Variants in RTN4IP1 observed in about 807,000 individuals in gnomAD.
The protein encoded by RTN4IP1 is reticulon 4 interacting protein 1.
RTN4IP1 carries 32 observed loss-of-function variants against 46.6 expected under a neutral mutation model. That is an observed-to-expected ratio of 0.69 (90% confidence interval 0.52 to 0.92). RTN4IP1 has a LOEUF of 0.92. Ranked by LOEUF, RTN4IP1 falls within the 40% of genes least tolerant of loss-of-function variation. RTN4IP1 has a pLI of 0.00. For missense variants in RTN4IP1, 424 were observed against 485.8 expected (o/e 0.87, Z 1.20); for synonymous variants, 167 against 161.8 (o/e 1.03, Z -0.24).
At chr6:106,627,785 A>T (rs1184437250) in intron 1 of RTN4IP1, among the ~76,000 whole-genome samples, 3 of 111,472 alleles carry the variant, frequency 2.7e-5, no homozygotes, top group Non-Finnish European at 1.7e-5. Context: ...ATGGAGTCTC[A>T]CTCTATCGGC....
intron 5 of RTN4IP1, among the ~76,000 whole-genome samples, chr6:106,597,784 C>A (rs910880908): frequency 6.6e-6 from 1 of 150,610 alleles, no homozygotes; most frequent in Non-Finnish European, 1.5e-5. Context: ...CATTCTGGTG[C>A]GCTGCACCCA....
chr6:106,574,916 G>A (rs764199521), intron 8 of RTN4IP1, among the ~76,000 whole-genome samples: 6 of 152,190 alleles, frequency 3.9e-5, no homozygotes, highest in Non-Finnish European at 5.9e-5. Context: ...CAAATAACCC[G>A]AGAGGGCTGA....
chr6:106,589,398 C>A lies in RTN4IP1; in HGVS notation c.807-1536G>T, dbSNP rs190712041. Among the ~76,000 whole-genome samples, 511 of 151,168 alleles carry A rather than the reference C, an allele frequency of 3.4e-3. 5 individuals carry two copies. The highest frequency in any genetic ancestry group is 0.012 in the African/African-American group (479 of 41,154). Reference sequence around the variant, plus strand: ...GATATGAAATGCAGGAGCATGATGACCTTAATAGATGACCATTCTTTTCAC... The same window carrying A: ...GATATGAAATGCAGGAGCATGATGAACTTAATAGATGACCATTCTTTTCAC... On this transcript the variant is annotated intron_variant, in intron 6 of 8. Transcript: ENST00000369063.
At chr6:106,579,154 T>C (rs2114623047) in intron 8 of RTN4IP1, among the ~76,000 whole-genome samples, 1 of 151,692 alleles carries the variant, frequency 6.6e-6, no homozygotes, top group South Asian at 2.1e-4. Flanking sequence ...AAGAATCGCT[T>C]GAACCCAGGA....
intron 4 of RTN4IP1, among the ~76,000 whole-genome samples, chr6:106,613,375 G>A: frequency 6.6e-6 from 1 of 152,156 alleles, no homozygotes; most frequent in East Asian, 1.9e-4. Context: ...CCAGCACAGG[G>A]TCATGTGAGT....
intron 8 of RTN4IP1, among the ~76,000 whole-genome samples, chr6:106,580,894 C>A: frequency 6.6e-6 from 1 of 151,090 alleles, no homozygotes. Context: ...TATGGTACAC[C>A]CATACAAATA....
chr6:106,622,550 T>C (rs1186017792), intron 2 of RTN4IP1, among the ~76,000 whole-genome samples: 3 of 152,194 alleles, frequency 2.0e-5, no homozygotes, highest in Admixed American at 2.0e-4. Context: ...GGATGCATGA[T>C]TGCTCTCTAC....
At chr6:106,591,832 T>C (rs894316763) in intron 6 of RTN4IP1, among the ~76,000 whole-genome samples, 2 of 152,168 alleles carry the variant, frequency 1.3e-5, no homozygotes, top group African/African-American at 4.8e-5. Context: ...AACTACTCTA[T>C]ATTCTTCCTG....
At chr6:106,612,555 G>A (rs1776251723) in intron 4 of RTN4IP1, among the ~76,000 whole-genome samples, 1 of 152,032 alleles carries the variant, frequency 6.6e-6, no homozygotes, top group Non-Finnish European at 1.5e-5. Flanking sequence ...AGACATGTTA[G>A]ATACGAGTTC....
intron 4 of RTN4IP1, among the ~76,000 whole-genome samples, chr6:106,611,974 T>C (rs1776236329): frequency 6.6e-6 from 1 of 152,184 alleles, no homozygotes; most frequent in South Asian, 2.1e-4. Context: ...TTATCCGAAG[T>C]GTATTCAGAA....
intron 2 of RTN4IP1, 90 bp from the exon 3 acceptor site, chr6:106,621,583 T>G: frequency 9.7e-7 from 1 of 1,032,578 alleles, no homozygotes; most frequent in Admixed American, 1.8e-5. Context: ...ATATATACCC[T>G]GTGCTGTGAA....
At chr6:106,591,565 T>C (rs546938003) in intron 6 of RTN4IP1, among the ~76,000 whole-genome samples, 2 of 152,274 alleles carry the variant, frequency 1.3e-5, no homozygotes, top group South Asian at 4.1e-4. Context: ...TCATTTCTGC[T>C]CTCAGCTTCA....
chr6:106,622,904 C>A lies in RTN4IP1; in HGVS notation c.340G>T (p.Glu114Ter), dbSNP rs2114681987. 1 of 1,614,142 alleles carries A rather than the reference C, an allele frequency of 6.2e-7. No individual in the cohort carries two copies. Among genetic ancestry groups the A allele is most frequent in the Non-Finnish European group, 8.5e-7 (1 of 1,179,966 alleles). The change falls in exon 2 of 9, where the codon GAA becomes TAA. Residue 114 changes from glutamate to a stop codon, truncating the protein, a stop_gained. Coordinates refer to ENST00000369063, the MANE Select transcript of RTN4IP1 (RefSeq NM_032730.5). LOFTEE classifies it high-confidence loss of function. The part of the protein sequence containing the change: ...DPLHVKIKGE[E>*]FPLTLGRDVS... ...TCCCGACCCAGAGTCAGAGGAAATT[C>A]TTCTCCTTTGATTTTCACGTGTAAA...
At chr6:106,595,677 T>C (rs1412679020) in intron 5 of RTN4IP1, among the ~76,000 whole-genome samples, 1 of 152,070 alleles carries the variant, frequency 6.6e-6, no homozygotes, top group African/African-American at 2.4e-5. Context: ...CTTGTATTTT[T>C]ATTAGAGAAG....
upstream of RTN4IP1, chr6:106,629,608 A>G: frequency 6.5e-7 from 1 of 1,541,458 alleles, no homozygotes; most frequent in East Asian, 2.4e-5. Context: ...GCGCCCATGT[A>G]ACATCACTAG....
At chr6:106,617,706 A>T (rs1017797245) in intron 4 of RTN4IP1, among the ~76,000 whole-genome samples, 11 of 152,204 alleles carry the variant, frequency 7.2e-5, no homozygotes, top group African/African-American at 1.7e-4. Context: ...CTAAATTTTT[A>T]AATTTTTTCT....
chr6:106,611,058 A>C (rs1776211191), intron 4 of RTN4IP1, among the ~76,000 whole-genome samples: 1 of 151,658 alleles, frequency 6.6e-6, no homozygotes, highest in South Asian at 2.1e-4. Flanking sequence ...CAAAAAAAAA[A>C]ACAAAAACAC....
chr6:106,605,729 A>G (rs905285297), intron 4 of RTN4IP1, among the ~76,000 whole-genome samples: 1 of 148,524 alleles, frequency 6.7e-6, no homozygotes, highest in Non-Finnish European at 1.5e-5. Flanking sequence ...AGGCAGGAGA[A>G]TAGCATGAAC....
intron 4 of RTN4IP1, among the ~76,000 whole-genome samples, chr6:106,612,089 A>G (rs1412712827): frequency 6.6e-6 from 1 of 152,146 alleles, no homozygotes; most frequent in African/African-American, 2.4e-5. Flanking sequence ...AGATAGAGGG[A>G]AAAATGCTTG....
Sources: allele counts gnomAD v4.1 joint callset (sites outside exome capture counted in the v4.1 genomes callset), GRCh38; gene constraint gnomAD v4.1.1; transcripts MANE v1.5; gene names NCBI Gene and HGNC (gene_info 2026-07-23, HGNC 2026-07-21).